Variants in ROR2 observed in about 807,000 individuals in gnomAD.
ROR2 encodes the protein ROR family WNT receptor 2.
In ROR2, 33 loss-of-function variants were observed where a neutral mutation model predicts 74.9. The observed-to-expected ratio is 0.44, with a 90% CI of 0.33 to 0.59. ROR2 has a LOEUF of 0.59. Among genes scored for constraint, ROR2 ranks in the 20% least tolerant of loss-of-function variants. The pLI is 0.02. For missense variants in ROR2, 1,216 were observed against 1,313.8 expected (o/e 0.93, Z 1.15); for synonymous variants, 586 against 558.7 (o/e 1.05, Z -0.69).
intron 1 of ROR2, among the ~76,000 whole-genome samples, chr9:91,881,619 T>A (rs1197567987): frequency 6.6e-6 from 1 of 152,212 alleles, no homozygotes; most frequent in Non-Finnish European, 1.5e-5. Context: ...TTTGTTTCCT[T>A]ATTTATACTA....
chr9:91,895,348 T>C (rs1830510603), intron 1 of ROR2, among the ~76,000 whole-genome samples: 1 of 152,172 alleles, frequency 6.6e-6, no homozygotes, highest in Admixed American at 6.5e-5. Context: ...TTTACATTTG[T>C]TCAAACCCAC....
chr9:91,725,387 C>T (rs971777804), intron 8 of ROR2, among the ~76,000 whole-genome samples: 1 of 152,208 alleles, frequency 6.6e-6, no homozygotes, highest in Admixed American at 6.5e-5. Flanking sequence ...CTGGGACACA[C>T]TGACTTCCTT....
At chr9:91,904,057 G>GT (rs1276192675) in intron 1 of ROR2, among the ~76,000 whole-genome samples, 1 of 151,152 alleles carries the variant, frequency 6.6e-6, no homozygotes, top group African/African-American at 2.4e-5. Flanking sequence ...TTTTTGGGGG[G>GT]GGGGACAGAG....
intron 1 of ROR2, among the ~76,000 whole-genome samples, chr9:91,914,823 A>G (rs1455155682): frequency 1.3e-5 from 2 of 152,078 alleles, no homozygotes; most frequent in African/African-American, 2.4e-5. Flanking sequence ...CAGGAGCACA[A>G]AGGAGGTCCA....
chr9:91,747,161 A>AG (rs1825448290), intron 4 of ROR2, among the ~76,000 whole-genome samples: 1 of 152,254 alleles, frequency 6.6e-6, no homozygotes, highest in Admixed American at 6.5e-5. Flanking sequence ...CCGCTGAGTC[A>AG]GCTTGGATAA....
intron 1 of ROR2, among the ~76,000 whole-genome samples, chr9:91,913,824 G>A (rs796284553): frequency 2.6e-5 from 4 of 152,262 alleles, no homozygotes; most frequent in African/African-American, 9.6e-5. Context: ...GGGAAAAGTG[G>A]GGAGTTGTGT....
chr9:91,731,783 C>T (rs377519862), intron 6 of ROR2, among the ~76,000 whole-genome samples: 63 of 152,198 alleles, frequency 4.1e-4, no homozygotes, highest in African/African-American at 1.5e-3. Flanking sequence ...GATGTGGTAA[C>T]GCACGCCTGT....
chr9:91,864,039 T>C (rs1447928162), intron 1 of ROR2, among the ~76,000 whole-genome samples: 1 of 151,736 alleles, frequency 6.6e-6, no homozygotes. Flanking sequence ...AAGTGGAAAA[T>C]AAGGTGGGTT....
At chr9:91,756,507 C>T (rs3824426) in intron 3 of ROR2, among the ~76,000 whole-genome samples, 4,990 of 152,126 alleles carry the variant, frequency 0.033, 244 homozygotes, top group East Asian at 0.16. Context: ...CCAGGTGTGA[C>T]GAGCACAGAG....
chr9:91,839,161 TG>T (rs1056441702), intron 1 of ROR2, among the ~76,000 whole-genome samples: 4 of 152,012 alleles, frequency 2.6e-5, no homozygotes, highest in Admixed American at 6.6e-5. Flanking sequence ...GAAGGGGTTC[TG>T]GGGGGCAGCA....
chr9:91,913,032 G>A (rs1831034281), intron 1 of ROR2, among the ~76,000 whole-genome samples: 1 of 152,202 alleles, frequency 6.6e-6, no homozygotes, highest in Non-Finnish European at 1.5e-5. Flanking sequence ...GGGAGGCTGA[G>A]GCAGGAGAAT....
At chr9:91,907,772 C>A (rs747031694) in intron 1 of ROR2, among the ~76,000 whole-genome samples, 3 of 152,170 alleles carry the variant, frequency 2.0e-5, no homozygotes, top group Non-Finnish European at 2.9e-5. Context: ...ATTTCTCTTC[C>A]CAGTGGACCC....
At chr9:91,742,792 C>T (rs376569338) in intron 4 of ROR2, among the ~76,000 whole-genome samples, 3 of 152,190 alleles carry the variant, frequency 2.0e-5, no homozygotes, top group East Asian at 1.9e-4. Context: ...CACATTCACT[C>T]GCGACTTACT....
At chr9:91,934,108 C>CGG (rs143267816) in intron 1 of ROR2, among the ~76,000 whole-genome samples, 6 of 151,844 alleles carry the variant, frequency 4.0e-5, no homozygotes, top group Non-Finnish European at 5.9e-5. Flanking sequence ...TTTATGGATG[C>CGG]GGGGGGGCGA....
chr9:91,891,544 C>A (rs533797763), intron 1 of ROR2, among the ~76,000 whole-genome samples: 3 of 151,850 alleles, frequency 2.0e-5, no homozygotes, highest in African/African-American at 7.2e-5. Flanking sequence ...GCGGGGATTA[C>A]AGGCGTGAGC....
intron 1 of ROR2, among the ~76,000 whole-genome samples, chr9:91,863,330 A>T (rs1179731608): frequency 6.6e-6 from 1 of 152,220 alleles, no homozygotes; most frequent in Non-Finnish European, 1.5e-5. Context: ...CAGAGTTACC[A>T]GAGGACTCTG....
At chr9:91,899,890 A>G (rs1830629475) in intron 1 of ROR2, among the ~76,000 whole-genome samples, 1 of 152,216 alleles carries the variant, frequency 6.6e-6, no homozygotes, top group African/African-American at 2.4e-5. Flanking sequence ...ACACATACAC[A>G]TTACATATGC....
chr9:91,733,022 A>T lies in ROR2; in HGVS notation c.937+100T>A, dbSNP rs543255264. 1 of 1,214,266 alleles carries T rather than the reference A, an allele frequency of 8.2e-7. No homozygotes were observed. Among genetic ancestry groups the T allele is most frequent in the South Asian group, 1.4e-5 (1 of 71,738 alleles). The allele number at this position is 1,214,266 out of a possible 1,614,324, so 75.2% of individuals were successfully genotyped here. A position where few individuals can be genotyped will look rare whatever the true frequency, so the allele number is the denominator to read the frequency against. On this transcript the variant is annotated intron_variant, in intron 6 of 8. Transcript: ENST00000375708. This position sits in a 1 kb window ranked among gnomAD's most constrained non-coding sequence, Gnocchi z 5.7. ...TAAGGGGGTTCTGTGGGGCCTGGAC[A>T]GATGGGGCTCCCTGGGCTTCACCGA... is the stretch of plus-strand genomic sequence containing the variant.
chr9:91,761,919 T>C, intron 2 of ROR2, among the ~76,000 whole-genome samples: 1 of 152,202 alleles, frequency 6.6e-6, no homozygotes, highest in East Asian at 1.9e-4. Context: ...TCTTCCCTGC[T>C]ATATAAAGCC....
Sources: gnomAD v4.1 joint callset for allele counts (sites outside exome capture counted in the v4.1 genomes callset) on GRCh38, gnomAD v4.1.1 for gene constraint, Gnocchi (gnomAD v3.1) non-coding constraint, MANE v1.5 for transcripts, NCBI Gene and HGNC (gene_info 2026-07-23, HGNC 2026-07-21) for gene names.